Variants in PRICKLE2 observed in about 807,000 individuals in gnomAD.
PRICKLE2 encodes the protein prickle-like protein 2.
In PRICKLE2, 21 loss-of-function variants were observed where a neutral mutation model predicts 81.4. That is an observed-to-expected ratio of 0.26 (90% confidence interval 0.18 to 0.37). PRICKLE2 has a LOEUF of 0.37. Ranked by LOEUF, PRICKLE2 falls within the 10% of genes least tolerant of loss-of-function variation. PRICKLE2 has a pLI of 1.00. For synonymous variants in PRICKLE2, 456 were observed against 421.5 expected, an observed-to-expected ratio of 1.08 and a Z score of -1.00; for missense variants, 940 against 1,109.0, an observed-to-expected ratio of 0.85 and a Z score of 2.16.
chr3:64,174,314 T>C (rs1378666778), intron 2 of PRICKLE2: 1 of 152,194 alleles, frequency 6.6e-6, no homozygotes, highest in African/African-American at 2.4e-5. Flanking sequence ...TGTCCTTATC[T>C]CTAGGACTAG....
intron 2 of PRICKLE2, among the ~76,000 whole-genome samples, chr3:64,240,614 G>C (rs6788305): frequency 0.47 from 71,831 of 151,500 alleles, 18,400 homozygotes; most frequent in Non-Finnish European, 0.57. Context: ...TTAGTCACTT[G>C]CTTGGTAGGC....
At chr3:64,126,266 G>A (rs1258044344) in intron 7 of PRICKLE2, among the ~76,000 whole-genome samples, 1 of 152,150 alleles carries the variant, frequency 6.6e-6, no homozygotes, top group Non-Finnish European at 1.5e-5. Context: ...TGAAACACTA[G>A]GAGATGCAGC....
intron 7 of PRICKLE2, among the ~76,000 whole-genome samples, chr3:64,139,452 C>T (rs1019047658): frequency 2.0e-5 from 3 of 152,216 alleles, no homozygotes; most frequent in African/African-American, 4.8e-5. Context: ...ACTGTCATAT[C>T]CATCCACTTA....
chr3:64,225,932 T>G (rs903492153), upstream of PRICKLE2, among the ~76,000 whole-genome samples: 1 of 152,000 alleles, frequency 6.6e-6, no homozygotes, highest in African/African-American at 2.4e-5. Context: ...TTTTCGGGTG[T>G]TGCTTGTTTT....
At position 64,147,755 on chromosome 3, in the gene PRICKLE2, C is replaced by A; in HGVS notation, c.788-53G>T. ...CTGATGAGCTGCTCAGAGCTCTGCA[C>A]TGGGACGTGAAACACATAGCACCTT... On this transcript the variant is annotated intron_variant, in intron 6 of 7. Transcript: ENST00000638394. The surrounding 1 kb of genome is among the most constrained non-coding windows in gnomAD (Gnocchi z 5.0). 1.2e-6 allele frequency: 2 copies of A among 1,600,644 alleles called. No homozygotes were observed. The highest frequency in any genetic ancestry group is 2.2e-5 in the South Asian group (2 of 90,606).
At chr3:64,216,534 A>G (rs1472393030) in intron 1 of PRICKLE2, among the ~76,000 whole-genome samples, 2 of 152,220 alleles carry the variant, frequency 1.3e-5, no homozygotes, top group African/African-American at 4.8e-5. Context: ...TAAAAATTCA[A>G]AATAGCACAT....
At chr3:64,258,780 T>TGC (rs1491530512) in intron 2 of PRICKLE2, among the ~76,000 whole-genome samples, 47,520 of 135,112 alleles carry the variant, frequency 0.35, 9,172 homozygotes, top group Admixed American at 0.47. Flanking sequence ...GCCGAGATCA[T>TGC]GCCACTGCAC....
rs1373331093 is a variant in PRICKLE2, at chr3:64,192,345, G to A, written c.144+6439C>T. Among the ~76,000 whole-genome samples, 2 of 152,120 alleles carry A rather than the reference G, an allele frequency of 1.3e-5. 1 individual carries two copies. The highest frequency in any genetic ancestry group is 4.1e-4 in the South Asian group (2 of 4,824). On this transcript the variant is annotated intron_variant, in intron 2 of 7. Transcript: ENST00000638394. ...ATTCCTGCCCTCCTGGGCCTTAAAG[G>A]AAAGTAGGGAAGCCAAACATTAAAT...
At chr3:64,219,320 C>T (rs1487398393) in intron 1 of PRICKLE2, among the ~76,000 whole-genome samples, 3 of 152,158 alleles carry the variant, frequency 2.0e-5, no homozygotes, top group Non-Finnish European at 2.9e-5. Flanking sequence ...GCTCAGAAAA[C>T]GGAAACATAC....
At chr3:64,192,244 T>C (rs542158904) in intron 2 of PRICKLE2, among the ~76,000 whole-genome samples, 6 of 152,350 alleles carry the variant, frequency 3.9e-5, no homozygotes, top group East Asian at 3.9e-4. Flanking sequence ...TCTTAACAGA[T>C]GTTTGCTGGG....
At chr3:64,165,995 TGTGTGTGTGTGTG>T (rs1559552019) in intron 2 of PRICKLE2, among the ~76,000 whole-genome samples, 435 of 150,842 alleles carry the variant, frequency 2.9e-3, no homozygotes, top group Non-Finnish European at 2.9e-3. Context: ...TGTGTGTGTG[TGTGTGTGTGTGTG>T]TGTGTGTTTT....
Position 64,188,800 on chromosome 3 carries a change from A to T in PRICKLE2, c.144+9984T>A, listed in dbSNP as rs186144674. 1.1e-4 allele frequency among the ~76,000 whole-genome samples: 16 copies of T among 152,310 alleles called. No homozygotes were observed. The East Asian group carries it at 3.1e-3, about 29-fold the overall frequency. On this transcript the variant is annotated intron_variant, in intron 2 of 7. Transcript: ENST00000638394. ...ATTGTCCAATGCCTGCTTTCACATT[A>T]CAACATCAGAGTTGGGTATTTGCCA... is the stretch of plus-strand genomic sequence containing the variant.
chr3:64,254,618 T>C (rs1308071094), intron 2 of PRICKLE2, among the ~76,000 whole-genome samples: 1 of 152,240 alleles, frequency 6.6e-6, no homozygotes, highest in Non-Finnish European at 1.5e-5. Context: ...TGGATTTTTG[T>C]TCTTCCACCC....
chr3:64,193,721 G>C (rs1182360240), intron 2 of PRICKLE2, among the ~76,000 whole-genome samples: 1 of 152,130 alleles, frequency 6.6e-6, no homozygotes, highest in Non-Finnish European at 1.5e-5. Flanking sequence ...CATTGGGGCA[G>C]GTCTTTCCCA....
intron 2 of PRICKLE2, among the ~76,000 whole-genome samples, chr3:64,179,653 G>A (rs909351365): frequency 2.6e-5 from 4 of 152,160 alleles, no homozygotes; most frequent in Admixed American, 2.6e-4. Flanking sequence ...GACCACGAGA[G>A]TGCTGCAAAT....
At chr3:64,176,251 G>T (rs1197490694) in intron 2 of PRICKLE2, among the ~76,000 whole-genome samples, 1 of 152,172 alleles carries the variant, frequency 6.6e-6, no homozygotes, top group African/African-American at 2.4e-5. Context: ...TATTAGGAAA[G>T]GAGGAGATGC....
At chr3:64,241,129 TACAA>T (rs1438842617) in intron 2 of PRICKLE2, among the ~76,000 whole-genome samples, 1 of 152,252 alleles carries the variant, frequency 6.6e-6, no homozygotes, top group African/African-American at 2.4e-5. Flanking sequence ...ACAGACAGTA[TACAA>T]ACAAATGGGC....
intron 7 of PRICKLE2, chr3:64,142,016 A>G (rs2077369906): frequency 3.4e-6 from 3 of 883,194 alleles, no homozygotes; most frequent in Non-Finnish European, 4.1e-6. Context: ...TGAATTTTCT[A>G]GCAAAATTCA....
intron 2 of PRICKLE2, among the ~76,000 whole-genome samples, chr3:64,231,650 C>T (rs1368731219): frequency 2.0e-5 from 3 of 152,150 alleles, no homozygotes; most frequent in African/African-American, 4.8e-5. Flanking sequence ...AAGACCTGCT[C>T]AAGAAAAATT....
Sources: gnomAD v4.1 joint callset for allele counts (sites outside exome capture counted in the v4.1 genomes callset) on GRCh38, gnomAD v4.1.1 for gene constraint, Gnocchi (gnomAD v3.1) non-coding constraint, MANE v1.5 for transcripts, NCBI Gene and HGNC (gene_info 2026-07-23, HGNC 2026-07-21) for gene names.